PCDH11X: variants seen among roughly 807,000 people sequenced by gnomAD.
PCDH11X encodes the protein protocadherin 11 X-linked.
Under a neutral mutation model 53.3 loss-of-function variants are expected in PCDH11X, and 18 were observed. That is an observed-to-expected ratio of 0.34 (90% CI 0.23 to 0.50). The LOEUF is 0.50. Among genes scored for constraint, PCDH11X ranks in the 20% least tolerant of loss-of-function variants. The pLI, the probability that PCDH11X is intolerant of heterozygous loss-of-function variation, is 0.98. For missense variants in PCDH11X, 570 were observed against 1,032.4 expected, an observed-to-expected ratio of 0.55 and a Z score of 6.14; for synonymous variants, 279 against 393.3, an observed-to-expected ratio of 0.71 and a Z score of 3.44.
chrX:92,099,124 G>C (rs2064194596), intron 6 of PCDH11X, among the ~76,000 whole-genome samples: 1 of 110,423 alleles, frequency 9.1e-6, no homozygotes, highest in African/African-American at 3.3e-5. Context: ...ATCATATTTT[G>C]ATCTTGACTT....
chrX:92,346,447 T>C (rs1449597430), intron 8 of PCDH11X, among the ~76,000 whole-genome samples: 1 of 111,013 alleles, frequency 9.0e-6, no homozygotes, highest in Non-Finnish European at 1.9e-5. Flanking sequence ...CAAGATGAGT[T>C]ATTTCTGCTT....
intron 8 of PCDH11X, among the ~76,000 whole-genome samples, chrX:92,339,370 A>G (rs1005196894): frequency 4.4e-5 from 5 of 112,527 alleles, no homozygotes; most frequent in East Asian, 2.8e-4. Flanking sequence ...GAAAGAATTT[A>G]CAACTAAGTC....
chrX:92,281,150 A>G (rs1428392640), intron 8 of PCDH11X, among the ~76,000 whole-genome samples: 1 of 111,482 alleles, frequency 9.0e-6, no homozygotes, highest in Non-Finnish European at 1.9e-5. Context: ...GGGCATCATC[A>G]TCCTGCTACT....
chrX:92,067,694 A>T (rs946833050), intron 6 of PCDH11X, among the ~76,000 whole-genome samples: 10 of 111,331 alleles, frequency 9.0e-5, no homozygotes, highest in Non-Finnish European at 1.5e-4. Context: ...GTTTGGCAAC[A>T]GTCCCTCTTC....
At chrX:91,869,952 G>T (rs1359133770) in intron 5 of PCDH11X, among the ~76,000 whole-genome samples, 6 of 111,868 alleles carry the variant, frequency 5.4e-5, no homozygotes, top group East Asian at 5.6e-4. Flanking sequence ...ATGCATGCTA[G>T]TAAAAAATGA....
At chrX:92,568,181 G>T (rs1331553581) in intron 10 of PCDH11X, among the ~76,000 whole-genome samples, 1 of 109,888 alleles carries the variant, frequency 9.1e-6, no homozygotes, top group Admixed American at 9.7e-5. Flanking sequence ...CAGCACTTTG[G>T]GAGGCCAAGG....
At chrX:91,886,863 C>G (rs1471721585) in intron 6 of PCDH11X, among the ~76,000 whole-genome samples, 2 of 104,813 alleles carry the variant, frequency 1.9e-5, no homozygotes, top group African/African-American at 3.5e-5. Context: ...CCCAGCTACT[C>G]GGGAGGCTGA....
At chrX:91,909,193 A>ATC (rs1941292560) in intron 6 of PCDH11X, among the ~76,000 whole-genome samples, 1 of 111,473 alleles carries the variant, frequency 9.0e-6, no homozygotes, top group Non-Finnish European at 1.9e-5. Flanking sequence ...AGTGGAGTCA[A>ATC]AATTTGATTG....
At chrX:92,106,928 C>A (rs2148148752) in intron 6 of PCDH11X, among the ~76,000 whole-genome samples, 1 of 111,690 alleles carries the variant, frequency 9.0e-6, no homozygotes, top group Non-Finnish European at 1.9e-5. Context: ...AGCATCAACA[C>A]AGATCTTAAA....
chrX:92,111,448 A>G (rs1336879384), intron 6 of PCDH11X, among the ~76,000 whole-genome samples: 6 of 109,490 alleles, frequency 5.5e-5, no homozygotes, highest in Admixed American at 1.0e-4. Context: ...CTCATCTTAA[A>G]TAAAAATGTA....
intron 6 of PCDH11X, among the ~76,000 whole-genome samples, chrX:91,939,470 G>A (rs776613501): frequency 1.8e-5 from 2 of 109,869 alleles, no homozygotes; most frequent in South Asian, 3.8e-4. Context: ...ATTTAATGAC[G>A]ACTCTGAACT....
intron 8 of PCDH11X, among the ~76,000 whole-genome samples, chrX:92,264,880 A>ATTTT (rs36145079): frequency 0.52 from 45,490 of 87,474 alleles, 12,326 homozygotes; most frequent in Non-Finnish European, 0.72. Context: ...GTGAAGGACA[A>ATTTT]TTTTTTTTTT....
At chrX:92,263,752 G>T (rs2067767443) in intron 8 of PCDH11X, among the ~76,000 whole-genome samples, 1 of 112,260 alleles carries the variant, frequency 8.9e-6, no homozygotes, top group Non-Finnish European at 1.9e-5. Context: ...TATATGAACA[G>T]TCCAGACTTC....
At chrX:91,915,807 T>TAA (rs1327904889) in intron 6 of PCDH11X, among the ~76,000 whole-genome samples, 1 of 111,163 alleles carries the variant, frequency 9.0e-6, no homozygotes, top group Non-Finnish European at 1.9e-5. Context: ...AATCAAAAAA[T>TAA]AAACAGTGAA....
chrX:92,108,717 G>A (rs752574158), intron 6 of PCDH11X, among the ~76,000 whole-genome samples: 2 of 111,370 alleles, frequency 1.8e-5, no homozygotes, highest in South Asian at 7.5e-4. Context: ...TTTGAAATAC[G>A]AAGTGTTAAC....
At chrX:92,439,396 C>A (rs1322383044) in intron 9 of PCDH11X, among the ~76,000 whole-genome samples, 1 of 110,965 alleles carries the variant, frequency 9.0e-6, no homozygotes, top group African/African-American at 3.3e-5. Flanking sequence ...TATGGACAGA[C>A]CTTAGATGGA....
intron 10 of PCDH11X, among the ~76,000 whole-genome samples, chrX:92,529,651 G>GA (rs1406610181): frequency 1.1e-5 from 1 of 93,494 alleles, no homozygotes; most frequent in Non-Finnish European, 2.1e-5. Context: ...TGAGGAAAAA[G>GA]AAAAAAATAA....
intron 8 of PCDH11X, among the ~76,000 whole-genome samples, chrX:92,273,780 A>G (rs756589991): frequency 9.0e-6 from 1 of 111,494 alleles, no homozygotes; most frequent in African/African-American, 3.3e-5. Context: ...GTATGAACTG[A>G]AAAACTAAAT....
chrX:92,119,697 A>G (rs1363030668), intron 6 of PCDH11X, among the ~76,000 whole-genome samples: 1 of 111,719 alleles, frequency 9.0e-6, no homozygotes, highest in African/African-American at 3.2e-5. Context: ...TAAATAAACT[A>G]ATTTACATAA....
Sources: allele counts gnomAD v4.1 joint callset (sites outside exome capture counted in the v4.1 genomes callset), GRCh38; gene constraint gnomAD v4.1.1; transcripts MANE v1.5; gene names NCBI Gene and HGNC (gene_info 2026-07-23, HGNC 2026-07-21).